The following THBS3 variants were observed in gnomAD, a reference collection of about 807,000 sequenced individuals.
The protein encoded by THBS3 is thrombospondin 3, also known as thrombospondin-3.
THBS3 carries 78 observed loss-of-function variants against 118.3 expected under a neutral mutation model. The ratio of observed to expected loss-of-function variants is 0.66; its 90% CI spans 0.55 to 0.80. The LOEUF is 0.80. Among genes scored for constraint, THBS3 ranks in the 30% least tolerant of loss-of-function variants. The probability of loss-of-function intolerance (pLI) is 0.00; values close to 1 mark genes in which losing one functional copy is unlikely to be tolerated. For synonymous variants in THBS3, 427 were observed against 475.3 expected (o/e 0.90, Z 1.32); for missense variants, 1,057 against 1,247.4 (o/e 0.85, Z 2.30).
intron 1 of THBS3, 94 bp downstream of exon 1, chr1:155,207,704 C>T (rs1670758130): frequency 1.5e-6 from 2 of 1,325,582 alleles, no homozygotes; most frequent in African/African-American, 1.5e-5. Flanking sequence ...TGGACTCTTC[C>T]CCTCTCCCCT....
In THBS3 at chr1:155,195,667, T is replaced by G. The variant is rs1668547851; in HGVS notation, c.*174A>C. 1 of 651,580 alleles carries G rather than the reference T, an allele frequency of 1.5e-6. No individual in the cohort carries two copies. The highest frequency in any genetic ancestry group is 2.7e-6 in the Non-Finnish European group (1 of 373,560). The allele number at this position is 651,580 out of a possible 1,614,324, so 40.4% of individuals were successfully genotyped here. On this transcript the variant is annotated 3_prime_UTR_variant, in exon 23 of 23. Coordinates refer to ENST00000368378, the MANE Select transcript of THBS3 (RefSeq NM_007112.5). ...TGCCTGAGTAATACCCCTTGAAAAC[T>G]TCTCATCCCCTGAAGGGTGGGGTGA...
chr1:155,208,665 A>T (rs1471010774), upstream of THBS3: 5 of 939,812 alleles, frequency 5.3e-6, no homozygotes, highest in Non-Finnish European at 7.6e-6. Flanking sequence ...CACCTAAGCG[A>T]CAGCCTGCGA....
chr1:155,207,172 G>A (rs1464149189), intron 1 of THBS3, among the ~76,000 whole-genome samples: 1 of 152,174 alleles, frequency 6.6e-6, no homozygotes, highest in Non-Finnish European at 1.5e-5. Context: ...CAGCACACTC[G>A]CTCTGGATAA....
At chr1:155,207,559 A>G (rs566988842) in intron 1 of THBS3, among the ~76,000 whole-genome samples, 8 of 152,252 alleles carry the variant, frequency 5.3e-5, no homozygotes, top group South Asian at 2.1e-4. Flanking sequence ...CCAGTTCCTG[A>G]GTCCTCTGCC....
At chr1:155,207,440 G>T (rs1670721971) in intron 1 of THBS3, among the ~76,000 whole-genome samples, 1 of 151,640 alleles carries the variant, frequency 6.6e-6, no homozygotes, top group African/African-American at 2.4e-5. Flanking sequence ...CAGGAGCCCA[G>T]GGGGACGAAG....
intron 2 of THBS3, chr1:155,205,645 G>A (rs771491215): frequency 1.4e-4 from 46 of 318,830 alleles, no homozygotes; most frequent in Non-Finnish European, 2.4e-4. Flanking sequence ...AGGCATGGTG[G>A]TGGGCACCTG....
intron 21 of THBS3, 182 bp downstream of exon 21, chr1:155,196,859 A>C (rs1237012556): frequency 1.3e-5 from 8 of 614,122 alleles, no homozygotes; most frequent in Non-Finnish European, 2.0e-5. Flanking sequence ...AGACGGGAAA[A>C]TGGGTCATGG....
At chr1:155,200,396 C>G in intron 14 of THBS3, 55 bp downstream of exon 14, 3 of 1,592,414 alleles carry the variant, frequency 1.9e-6, no homozygotes, top group Non-Finnish European at 2.6e-6. Flanking sequence ...TTCATCCCCA[C>G]CTGATCCAAA....
At position 155,204,836 on chromosome 1, in the gene THBS3, A is replaced by G; in HGVS notation, c.646+19T>C. 6.2e-7 allele frequency: 1 copy of G among 1,611,408 alleles called. No homozygotes were observed. The highest frequency in any genetic ancestry group is 8.5e-7 in the Non-Finnish European group (1 of 1,177,704). On this transcript the variant is annotated intron_variant, in intron 4 of 22. Transcript: ENST00000368378. ...ACAGGATCCGTGGTCCAATGTCAGC[A>G]AACAAGTCTCTGTGTTACCTGCACT...
At position 155,200,331 on chromosome 1, in the gene THBS3, G is replaced by A. The variant is rs1048920417; in HGVS notation, c.1708+120C>T. 6.0e-6 allele frequency: 8 copies of A among 1,336,830 alleles called. No homozygotes were observed. The African/African-American group carries it at 1.2e-4, about 19-fold the overall frequency. The allele number at this position is 1,336,830 out of a possible 1,614,324, so 82.8% of individuals were successfully genotyped here. On this transcript the variant is annotated intron_variant, in intron 14 of 22. Coordinates refer to ENST00000368378, the MANE Select transcript of THBS3 (RefSeq NM_007112.5). ...CTGCAGGTAATCTCTCCTCACCCAG[G>A]CCAACGTCCACAAGCCTGCCTCCCT...
chr1:155,205,496 G>A (rs1441221473), intron 2 of THBS3, 180 bp from the exon 3 acceptor site: 5 of 871,442 alleles, frequency 5.7e-6, no homozygotes, highest in Non-Finnish European at 8.5e-6. Flanking sequence ...TTGCTTTAGA[G>A]GCCAGGCACG....
At chr1:155,203,839 C>T (rs912319339) in intron 4 of THBS3, among the ~76,000 whole-genome samples, 2 of 151,866 alleles carry the variant, frequency 1.3e-5, no homozygotes, top group Admixed American at 6.6e-5. Context: ...CAGTATATCC[C>T]CATTTTTTTT....
At chr1:155,207,908 C>G, upstream of THBS3, 7 of 1,609,204 alleles carry the variant, frequency 4.3e-6, no homozygotes, top group Non-Finnish European at 5.9e-6. Flanking sequence ...CCCTGGCAGG[C>G]AGGCAGCTGG....
At position 155,203,305 on chromosome 1, in the gene THBS3, C is replaced by T. The variant is rs145464357; in HGVS notation, c.674G>A (p.Gly225Glu). The change falls in exon 6 of 23, where the codon GGG (glycine) becomes GAG (glutamate). Residue 225 changes from glycine to glutamate, a missense_variant and splice_region_variant. Physicochemically the swap from Gly to Glu is moderately conservative, Grantham distance 98. Coordinates refer to ENST00000368378, the MANE Select transcript of THBS3 (RefSeq NM_007112.5). ...AVTNALHSIL[G>E]EQTKALVTQL... ...GGTGACCAGCGCCTTGGTCTGCTCCCCTGTCGGGACCCAGGGTGTGAGGGG... is the reference window on the plus strand; with the variant it reads ...GGTGACCAGCGCCTTGGTCTGCTCCTCTGTCGGGACCCAGGGTGTGAGGGG... 13 of 1,613,942 alleles carry T rather than the reference C, an allele frequency of 8.1e-6. No individual in the cohort carries two copies. The highest frequency in any genetic ancestry group is 1.0e-5 in the Non-Finnish European group (12 of 1,179,966).
upstream of THBS3, chr1:155,208,736 G>T (rs1297812474): frequency 2.3e-5 from 12 of 532,136 alleles, no homozygotes; most frequent in Non-Finnish European, 3.3e-5. Context: ...CGCCGCCACC[G>T]CCCCTGTTTT....
intron 1 of THBS3, among the ~76,000 whole-genome samples, chr1:155,207,439 A>G (rs1202309774): frequency 6.9e-6 from 1 of 144,886 alleles, no homozygotes; most frequent in Non-Finnish European, 1.5e-5. Context: ...CCAGGAGCCC[A>G]GGGGGACGAA....
Position 155,198,464 on chromosome 1 carries a change from AG to A in THBS3, c.2018del (p.Pro673LeufsTer49). 2 of 1,614,174 alleles carry A rather than the reference AG, an allele frequency of 1.2e-6. No individual in the cohort carries two copies. The highest frequency in any genetic ancestry group is 1.7e-6 in the Non-Finnish European group (2 of 1,180,024). ...CCAGGCGGCAGTTATCGGGACCAGGAGGCACATAATCTGGGATGCCATCATT... is the reference window on the plus strand; with the variant it reads ...CCAGGCGGCAGTTATCGGGACCAGGAGCACATAATCTGGGATGCCATCATT... The part of the protein sequence containing the change: ...DDNDGIPDYV[P>X]PGPDNCRLVP... On this transcript the variant is annotated frameshift_variant, in exon 17 of 23. Transcript: ENST00000368378. LOFTEE classifies it high-confidence loss of function.
At chr1:155,199,963 A>T in intron 15 of THBS3, 32 bp downstream of exon 15, 1 of 1,605,816 alleles carries the variant, frequency 6.2e-7, no homozygotes, top group Non-Finnish European at 8.5e-7. Context: ...CAGTACCCTC[A>T]TCCCTCCCCT....
chr1:155,208,920 C>A, upstream of THBS3: 2 of 1,611,376 alleles, frequency 1.2e-6, no homozygotes, highest in Non-Finnish European at 1.7e-6. Context: ...CCCAGGCGCA[C>A]AAGACCCCGC....
Sources: gnomAD v4.1 joint callset for allele counts (sites outside exome capture counted in the v4.1 genomes callset) on GRCh38, gnomAD v4.1.1 for gene constraint, MANE v1.5 for transcripts, NCBI Gene and HGNC (gene_info 2026-07-23, HGNC 2026-07-21) for gene names.